HIBADH: variants seen among roughly 807,000 people sequenced by gnomAD.
HIBADH encodes 3-hydroxyisobutyrate dehydrogenase, also known as 3-hydroxyisobutyrate dehydrogenase, mitochondrial.
In HIBADH, 25 loss-of-function variants were observed where a neutral mutation model predicts 36.1. The ratio of observed to expected loss-of-function variants is 0.69; its 90% CI spans 0.50 to 0.97. The LOEUF (loss-of-function observed/expected upper bound fraction) is 0.97, where lower values mean the gene tolerates loss of function less well. Ranked by LOEUF, HIBADH falls within the 50% of genes least tolerant of loss-of-function variation. HIBADH has a pLI of 0.00. For missense variants in HIBADH, 421 were observed against 418.0 expected (o/e 1.01, Z -0.06); for synonymous variants, 160 against 149.5 (o/e 1.07, Z -0.51).
intron 7 of HIBADH, among the ~76,000 whole-genome samples, chr7:27,527,832 C>T (rs1023759924): frequency 3.4e-5 from 5 of 148,032 alleles, no homozygotes; most frequent in Non-Finnish European, 7.4e-5. Context: ...CTCACAGCAA[C>T]CTCTGCCTCC....
At chr7:27,529,076 ATATT>A (rs1408657431) in intron 7 of HIBADH, among the ~76,000 whole-genome samples, 2 of 152,234 alleles carry the variant, frequency 1.3e-5, no homozygotes, top group South Asian at 2.1e-4. Context: ...GGTTTACTGA[ATATT>A]TATTTTAAGC....
intron 2 of HIBADH, among the ~76,000 whole-genome samples, chr7:27,645,329 T>C (rs1383376884): frequency 6.6e-6 from 1 of 151,266 alleles, no homozygotes; most frequent in Non-Finnish European, 1.5e-5. Context: ...TTATCTAACT[T>C]TTTAATCTAG....
intron 2 of HIBADH, among the ~76,000 whole-genome samples, chr7:27,641,750 C>T (rs918815206): frequency 1.3e-5 from 2 of 151,330 alleles, no homozygotes; most frequent in African/African-American, 4.9e-5. Flanking sequence ...ACTCTCTAAG[C>T]TGCCAACGTA....
intron 4 of HIBADH, among the ~76,000 whole-genome samples, chr7:27,585,243 G>A (rs546831256): frequency 2.1e-5 from 3 of 140,260 alleles, no homozygotes; most frequent in African/African-American, 8.3e-5. Context: ...GCACACACGT[G>A]TGCATATATA....
At position 27,649,403 on chromosome 7, in the gene HIBADH, G is replaced by A. The variant is rs139967468; in HGVS notation, c.252+70C>T. 182 of 1,252,086 alleles carry A rather than the reference G, an allele frequency of 1.5e-4. No homozygotes were observed. In the African/African-American group the frequency reaches 2.5e-3, roughly 17 times the overall value. 77.6% of individuals were successfully genotyped at this position (1,252,086 alleles called of 1,614,324 possible). A position where few individuals can be genotyped will look rare whatever the true frequency, so the allele number is the denominator to read the frequency against. On this transcript the variant is annotated intron_variant, in intron 2 of 7. Coordinates refer to ENST00000265395, the MANE Select transcript of HIBADH (RefSeq NM_152740.4). The stretch of plus-strand genomic sequence containing the variant: ...CCATTGGGTATACTTCTAAGAAGCT[G>A]TCACTTATTTGAATGTATATTCATT...
intron 4 of HIBADH, among the ~76,000 whole-genome samples, chr7:27,598,750 T>C (rs1402303061): frequency 6.6e-6 from 1 of 152,014 alleles, no homozygotes; most frequent in Non-Finnish European, 1.5e-5. Flanking sequence ...GCAAGAGAAA[T>C]GCAATCTGCA....
intron 4 of HIBADH, among the ~76,000 whole-genome samples, chr7:27,567,586 G>A (rs1784565995): frequency 6.6e-6 from 1 of 151,976 alleles, no homozygotes; most frequent in African/African-American, 2.4e-5. Context: ...CTGCATTACA[G>A]TATTTGAATA....
At chr7:27,610,968 A>C (rs1045338676) in intron 4 of HIBADH, among the ~76,000 whole-genome samples, 1 of 152,186 alleles carries the variant, frequency 6.6e-6, no homozygotes, top group Non-Finnish European at 1.5e-5. Context: ...AGTCTATATG[A>C]AACTCACTGA....
intron 4 of HIBADH, among the ~76,000 whole-genome samples, chr7:27,622,124 A>T (rs1202183693): frequency 2.0e-5 from 3 of 152,152 alleles, no homozygotes; most frequent in Non-Finnish European, 4.4e-5. Context: ...ACACACCTGT[A>T]GTCCCAGCTA....
intron 2 of HIBADH, among the ~76,000 whole-genome samples, chr7:27,648,027 C>T (rs532024171): frequency 6.6e-6 from 1 of 152,184 alleles, no homozygotes; most frequent in Non-Finnish European, 1.5e-5. Flanking sequence ...ACCCTTGTTA[C>T]TCTTACTAAC....
At chr7:27,599,612 GC>G (rs1785090954) in intron 4 of HIBADH, among the ~76,000 whole-genome samples, 1 of 149,164 alleles carries the variant, frequency 6.7e-6, no homozygotes, top group Non-Finnish European at 1.5e-5. Context: ...AACCCGGGAG[GC>G]GGAGCTTGCA....
chr7:27,526,943 G>A (rs1351116643), intron 7 of HIBADH, among the ~76,000 whole-genome samples: 1 of 152,100 alleles, frequency 6.6e-6, no homozygotes, highest in Non-Finnish European at 1.5e-5. Flanking sequence ...GCAGGGTCTG[G>A]GGTGCTGGGA....
At chr7:27,623,860 C>G (rs767044218) in intron 4 of HIBADH, among the ~76,000 whole-genome samples, 1 of 152,186 alleles carries the variant, frequency 6.6e-6, no homozygotes, top group African/African-American at 2.4e-5. Flanking sequence ...TGCAATGGTG[C>G]GATCTCAGCT....
At chr7:27,588,375 A>G (rs1784892854) in intron 4 of HIBADH, among the ~76,000 whole-genome samples, 1 of 152,126 alleles carries the variant, frequency 6.6e-6, no homozygotes, top group African/African-American at 2.4e-5. Flanking sequence ...GTCACCCAGG[A>G]TGGAATGCAG....
chr7:27,565,722 CA>C (rs1208658267), intron 4 of HIBADH, among the ~76,000 whole-genome samples: 2 of 152,120 alleles, frequency 1.3e-5, no homozygotes, highest in Non-Finnish European at 2.9e-5. Context: ...TGTCTGATCT[CA>C]GGGGGAAAGC....
chr7:27,529,909 C>T (rs1783966545), intron 7 of HIBADH, among the ~76,000 whole-genome samples: 1 of 152,212 alleles, frequency 6.6e-6, no homozygotes, highest in Admixed American at 6.5e-5. Flanking sequence ...CCTGGTCAAT[C>T]ACCATTCATC....
chr7:27,650,225 A>G (rs1033435303), intron 1 of HIBADH, among the ~76,000 whole-genome samples: 6 of 151,520 alleles, frequency 4.0e-5, no homozygotes, highest in African/African-American at 1.5e-4. Context: ...AAGAATGGAA[A>G]AACTTTTTAC....
chr7:27,533,916 C>T (rs1453640342), intron 6 of HIBADH, among the ~76,000 whole-genome samples: 1 of 152,150 alleles, frequency 6.6e-6, no homozygotes, highest in Non-Finnish European at 1.5e-5. Flanking sequence ...ACAGCTCAAG[C>T]CATCAAAAGA....
chr7:27,636,652 C>T (rs573688591), intron 2 of HIBADH, among the ~76,000 whole-genome samples: 1 of 152,306 alleles, frequency 6.6e-6, no homozygotes, highest in Non-Finnish European at 1.5e-5. Flanking sequence ...CTAATTAAGC[C>T]TAGTTCAATC....
Sources: allele counts gnomAD v4.1 joint callset (sites outside exome capture counted in the v4.1 genomes callset), GRCh38; gene constraint gnomAD v4.1.1; transcripts MANE v1.5; gene names NCBI Gene and HGNC (gene_info 2026-07-23, HGNC 2026-07-21).